Variants in CCSER1 observed in about 807,000 individuals in gnomAD.
CCSER1 encodes serine-rich coiled-coil domain-containing protein 1.
CCSER1 carries 41 observed loss-of-function variants against 82.0 expected under a neutral mutation model. The ratio of observed to expected loss-of-function variants is 0.50; its 90% CI spans 0.39 to 0.65. CCSER1 has a LOEUF of 0.65. Ranked by LOEUF, CCSER1 falls within the 30% of genes least tolerant of loss-of-function variation. The pLI is 0.00. For missense variants in CCSER1, 1,119 were observed against 1,064.2 expected (o/e 1.05, Z -0.72); for synonymous variants, 414 against 383.9 (o/e 1.08, Z -0.92).
chr4:90,650,731 C>T (rs1728601740), intron 6 of CCSER1, among the ~76,000 whole-genome samples: 1 of 152,162 alleles, frequency 6.6e-6, no homozygotes, highest in Admixed American at 6.5e-5. Context: ...AATTAAAACC[C>T]AGGCTCTACT....
chr4:91,133,192 T>C (rs1346248553), intron 10 of CCSER1, among the ~76,000 whole-genome samples: 1 of 152,218 alleles, frequency 6.6e-6, no homozygotes, highest in African/African-American at 2.4e-5. Flanking sequence ...TCTTCTCTTT[T>C]CTTCCCTTCC....
intron 10 of CCSER1, among the ~76,000 whole-genome samples, chr4:91,096,865 T>C (rs922238496): frequency 2.0e-5 from 3 of 151,672 alleles, no homozygotes; most frequent in Non-Finnish European, 4.4e-5. Context: ...AAAATCAGAG[T>C]ACCAAGAAAT....
intron 9 of CCSER1, among the ~76,000 whole-genome samples, chr4:91,052,469 A>G (rs1320080990): frequency 6.6e-6 from 1 of 152,148 alleles, no homozygotes; most frequent in Non-Finnish European, 1.5e-5. Context: ...TTGGACATAA[A>G]GCTTTATGTC....
chr4:90,224,923 C>T (rs1487594856), intron 1 of CCSER1, among the ~76,000 whole-genome samples: 2 of 152,108 alleles, frequency 1.3e-5, no homozygotes, highest in African/African-American at 2.4e-5. Flanking sequence ...ACTCTAGCAG[C>T]TCTCAGTGGT....
chr4:91,028,998 G>A (rs566197772), intron 9 of CCSER1, among the ~76,000 whole-genome samples: 16 of 152,104 alleles, frequency 1.1e-4, no homozygotes, highest in African/African-American at 2.4e-4. Context: ...AGTCGTAGTC[G>A]TACAGTAATT....
At chr4:91,147,539 A>G (rs1729666919) in intron 10 of CCSER1, among the ~76,000 whole-genome samples, 1 of 152,184 alleles carries the variant, frequency 6.6e-6, no homozygotes, top group Non-Finnish European at 1.5e-5. Context: ...GTTTTCTGAT[A>G]GTGGGGGCTC....
intron 10 of CCSER1, among the ~76,000 whole-genome samples, chr4:91,249,117 T>G (rs1298897208): frequency 6.6e-6 from 1 of 152,156 alleles, no homozygotes; most frequent in Non-Finnish European, 1.5e-5. Flanking sequence ...GCTAAAATTT[T>G]TCTGTGAATC....
intron 10 of CCSER1, among the ~76,000 whole-genome samples, chr4:91,128,262 C>G (rs1192219194): frequency 2.0e-5 from 3 of 152,010 alleles, no homozygotes; most frequent in Non-Finnish European, 2.9e-5. Flanking sequence ...ACAAACTAAA[C>G]CCATTACACC....
chr4:90,731,009 A>G (rs768380002), intron 7 of CCSER1, among the ~76,000 whole-genome samples: 2 of 152,122 alleles, frequency 1.3e-5, no homozygotes, highest in Admixed American at 6.5e-5. Context: ...TTGTTAAACT[A>G]TTGCTTTGGT....
At chr4:91,207,695 G>C (rs1736459759) in intron 10 of CCSER1, among the ~76,000 whole-genome samples, 1 of 151,926 alleles carries the variant, frequency 6.6e-6, no homozygotes, top group Non-Finnish European at 1.5e-5. Flanking sequence ...GAACATACAT[G>C]TGCATGTGGC....
At chr4:90,220,227 A>G (rs1741870349) in intron 1 of CCSER1, among the ~76,000 whole-genome samples, 1 of 152,174 alleles carries the variant, frequency 6.6e-6, no homozygotes, top group South Asian at 2.1e-4. Context: ...CACAGTATAG[A>G]TAGGACTTGG....
chr4:90,220,203 T>C lies in CCSER1; in HGVS notation c.-41-88041T>C, dbSNP rs566679368. ...AATTAAACTTTATCATAGGTGTGTA[T>C]GTATAAGGAAAAACACAGTATAGAT... On this transcript the variant is annotated intron_variant, in intron 1 of 10. Coordinates refer to ENST00000509176, the MANE Select transcript of CCSER1 (RefSeq NM_001145065.2). Among the ~76,000 whole-genome samples, 13 of 152,318 alleles carry C rather than the reference T, an allele frequency of 8.5e-5. 1 individual carries two copies. Among genetic ancestry groups the C allele is most frequent in the African/African-American group, 2.9e-4 (12 of 41,580 alleles).
At chr4:90,513,378 C>CT (rs1771823998) in intron 5 of CCSER1, among the ~76,000 whole-genome samples, 1 of 152,162 alleles carries the variant, frequency 6.6e-6, no homozygotes, top group African/African-American at 2.4e-5. Flanking sequence ...TTGTAGCTCT[C>CT]TTCAAGGTAG....
At chr4:90,468,201 T>C in intron 4 of CCSER1, 33 bp from the exon 5 acceptor site, 1 of 1,566,436 alleles carries the variant, frequency 6.4e-7, no homozygotes, top group Non-Finnish European at 8.7e-7. Flanking sequence ...TAAATAATTT[T>C]GACATTTACA....
At chr4:91,480,221 A>T (rs1757833217) in intron 10 of CCSER1, among the ~76,000 whole-genome samples, 1 of 152,132 alleles carries the variant, frequency 6.6e-6, no homozygotes, top group Admixed American at 6.5e-5. Context: ...ATGTGTCTTT[A>T]TAGCAGCATG....
chr4:90,545,009 G>T (rs986166240), intron 5 of CCSER1, among the ~76,000 whole-genome samples: 8 of 152,098 alleles, frequency 5.3e-5, no homozygotes, highest in Non-Finnish European at 1.2e-4. Context: ...TTAATGTCTA[G>T]ATGTGTAGAT....
chr4:90,784,508 C>T (rs2149627631), intron 7 of CCSER1, among the ~76,000 whole-genome samples: 1 of 152,274 alleles, frequency 6.6e-6, no homozygotes, highest in East Asian at 1.9e-4. Flanking sequence ...AAGTCTGGAG[C>T]TGTGGAATGA....
intron 8 of CCSER1, among the ~76,000 whole-genome samples, chr4:90,829,602 G>C (rs1338989416): frequency 6.6e-6 from 1 of 152,130 alleles, no homozygotes; most frequent in Non-Finnish European, 1.5e-5. Flanking sequence ...GAGGGGCATA[G>C]AGCAGAAAAA....
chr4:91,270,908 A>C (rs1025690939), intron 10 of CCSER1, among the ~76,000 whole-genome samples: 5 of 152,206 alleles, frequency 3.3e-5, no homozygotes, highest in Admixed American at 2.0e-4. Context: ...AAATAAATGT[A>C]ATGATATTCA....
Sources: gnomAD v4.1 joint callset for allele counts (sites outside exome capture counted in the v4.1 genomes callset) on GRCh38, gnomAD v4.1.1 for gene constraint, MANE v1.5 for transcripts, NCBI Gene and HGNC (gene_info 2026-07-23, HGNC 2026-07-21) for gene names.